The following AIG1 variants were observed in gnomAD, a reference collection of about 807,000 sequenced individuals.
AIG1 encodes the protein androgen-induced gene 1 protein.
In AIG1, 23 loss-of-function variants were observed where a neutral mutation model predicts 31.4. That is an observed-to-expected ratio of 0.73 (90% CI 0.53 to 1.04). AIG1 has a LOEUF of 1.04. Among genes scored for constraint, AIG1 ranks in the 50% least tolerant of loss-of-function variants. The pLI is 0.00. For synonymous variants in AIG1, 100 were observed against 110.5 expected, an observed-to-expected ratio of 0.90 and a Z score of 0.60; for missense variants, 274 against 295.0, an observed-to-expected ratio of 0.93 and a Z score of 0.52.
At chr6:143,287,189 G>A (rs1172172943) in intron 4 of AIG1, among the ~76,000 whole-genome samples, 2 of 151,802 alleles carry the variant, frequency 1.3e-5, no homozygotes, top group African/African-American at 2.4e-5. Context: ...TCAATGAGAG[G>A]ACCCTTAGCA....
At chr6:143,181,499 G>A (rs931919541) in intron 3 of AIG1, among the ~76,000 whole-genome samples, 2 of 152,154 alleles carry the variant, frequency 1.3e-5, no homozygotes, top group African/African-American at 4.8e-5. Flanking sequence ...AACAAGTCCA[G>A]TCCTCCCATG....
At chr6:143,231,614 A>C (rs148369719) in intron 3 of AIG1, among the ~76,000 whole-genome samples, 126 of 152,364 alleles carry the variant, frequency 8.3e-4, no homozygotes, top group Non-Finnish European at 1.6e-3. Flanking sequence ...CAGAAGTTCA[A>C]AGAAAGTGTG....
chr6:143,266,716 A>G (rs1044123218), intron 3 of AIG1, among the ~76,000 whole-genome samples: 11 of 151,806 alleles, frequency 7.2e-5, no homozygotes, highest in African/African-American at 2.7e-4. Context: ...GGCCAAGGCA[A>G]GAGGATCACT....
chr6:143,314,125 G>T (rs1395101513), intron 4 of AIG1, among the ~76,000 whole-genome samples: 2 of 146,356 alleles, frequency 1.4e-5, no homozygotes, highest in Non-Finnish European at 3.0e-5. Context: ...AGAACTGCAG[G>T]ATTGCTTGAG....
chr6:143,061,937 AC>A (rs975861296), intron 1 of AIG1, among the ~76,000 whole-genome samples: 2 of 152,226 alleles, frequency 1.3e-5, no homozygotes, highest in African/African-American at 4.8e-5. Flanking sequence ...ACTAAGACAC[AC>A]GCTAAAAGAT....
chr6:143,079,845 A>G (rs1778060749), intron 1 of AIG1, among the ~76,000 whole-genome samples: 1 of 149,306 alleles, frequency 6.7e-6, no homozygotes, highest in Non-Finnish European at 1.5e-5. Context: ...CTCCTATACA[A>G]TGGGAGGGGA....
At chr6:143,303,110 A>G (rs1453641476) in intron 4 of AIG1, among the ~76,000 whole-genome samples, 1 of 151,988 alleles carries the variant, frequency 6.6e-6, no homozygotes, top group African/African-American at 2.4e-5. Context: ...AGTTCATTGT[A>G]GATTCTGGAT....
intron 3 of AIG1, among the ~76,000 whole-genome samples, chr6:143,247,936 ACATGAGAG>A (rs2128645105): frequency 6.6e-6 from 1 of 152,288 alleles, no homozygotes; most frequent in South Asian, 2.1e-4. Context: ...CCTTACAAAA[ACATGAGAG>A]CCTCACTGAA....
chr6:143,325,682 A>G lies in AIG1; in HGVS notation c.516-7600A>G, dbSNP rs1157993337. On this transcript the variant is annotated intron_variant, in intron 4 of 5. Transcript: ENST00000357847. This position sits in a 1 kb window ranked among gnomAD's most constrained non-coding sequence, Gnocchi z 4.3. ...TTGTCTTAACTATATTTGTTAAATC[A>G]GTGCCTGTCAAATTTCTTTTACAGG... 2.0e-5 allele frequency among the ~76,000 whole-genome samples: 3 copies of G among 152,246 alleles called. No individual in the cohort carries two copies. The highest frequency in any genetic ancestry group is 4.8e-5 in the African/African-American group (2 of 41,474).
At chr6:143,190,584 T>G (rs1052518376) in intron 3 of AIG1, 1 of 985,422 alleles carries the variant, frequency 1.0e-6, no homozygotes, top group East Asian at 1.1e-4. Context: ...TATGAAGCAT[T>G]TTCTTACAAA....
chr6:143,139,313 A>C (rs1414514764), intron 2 of AIG1, among the ~76,000 whole-genome samples: 1 of 151,954 alleles, frequency 6.6e-6, no homozygotes, highest in Non-Finnish European at 1.5e-5. Context: ...ATCCCTCTTA[A>C]ACCAGAAGTC....
At chr6:143,190,720 A>G (rs764547326) in intron 3 of AIG1, 27 of 564,118 alleles carry the variant, frequency 4.8e-5, no homozygotes, top group Non-Finnish European at 5.6e-5. Context: ...TTGCTTTCCT[A>G]TCTTATCATT....
At chr6:143,270,283 C>T (rs574900400) in intron 3 of AIG1, among the ~76,000 whole-genome samples, 1 of 152,256 alleles carries the variant, frequency 6.6e-6, no homozygotes, top group South Asian at 2.1e-4. Flanking sequence ...TCAGCATTGA[C>T]CACAGAATCA....
rs148009399 is a variant in AIG1 at position 143,188,231 on chromosome 6, G to A, written c.399+23048G>A. The A allele has an allele frequency of 2.5e-4, 250 of 988,932 alleles. 3 individuals are homozygous for A. The African/African-American group carries it at 3.9e-3, about 15-fold the overall frequency. 61.3% of individuals were successfully genotyped at this position (988,932 alleles called of 1,614,324 possible). On this transcript the variant is annotated intron_variant, in intron 3 of 5. Transcript: ENST00000357847. ...ATGATTTAGACTCTAGGAGAGGGGCGTTTCTTTCCTCAGTAGGCACACTCA... is the reference window on the plus strand; with the variant it reads ...ATGATTTAGACTCTAGGAGAGGGGCATTTCTTTCCTCAGTAGGCACACTCA...
chr6:143,102,982 A>AATGGAT (rs1393875459), intron 1 of AIG1, among the ~76,000 whole-genome samples: 1 of 152,252 alleles, frequency 6.6e-6, no homozygotes, highest in East Asian at 1.9e-4. Context: ...TATCTTAGGA[A>AATGGAT]ATGGATATTA....
At chr6:143,240,524 T>C (rs1343644339) in intron 3 of AIG1, among the ~76,000 whole-genome samples, 2 of 152,220 alleles carry the variant, frequency 1.3e-5, no homozygotes, top group South Asian at 2.1e-4. Flanking sequence ...CCTAGGATAA[T>C]GAAGTTATGA....
intron 3 of AIG1, among the ~76,000 whole-genome samples, chr6:143,222,670 A>G (rs562819645): frequency 6.7e-6 from 1 of 150,160 alleles, no homozygotes; most frequent in African/African-American, 2.5e-5. Context: ...ATGAAATCCT[A>G]TTGACAGAAA....
intron 3 of AIG1, among the ~76,000 whole-genome samples, chr6:143,269,045 G>T (rs1444877619): frequency 1.3e-5 from 2 of 150,672 alleles, no homozygotes; most frequent in East Asian, 3.9e-4. Flanking sequence ...AGTAGGGTGG[G>T]CTCAGGCCCT....
At chr6:143,218,276 T>A (rs1379395556) in intron 3 of AIG1, among the ~76,000 whole-genome samples, 2 of 152,150 alleles carry the variant, frequency 1.3e-5, no homozygotes, top group Non-Finnish European at 2.9e-5. Flanking sequence ...CTCTGAAAAT[T>A]TCCAACGTTG....
Sources: allele counts gnomAD v4.1 joint callset (sites outside exome capture counted in the v4.1 genomes callset), GRCh38; gene constraint gnomAD v4.1.1; non-coding constraint Gnocchi (gnomAD v3.1); transcripts MANE v1.5; gene names NCBI Gene and HGNC (gene_info 2026-07-23, HGNC 2026-07-21).